PHF14: variants seen among roughly 807,000 people sequenced by gnomAD.
PHF14 encodes the protein PHD finger protein 14.
Under a neutral mutation model 117.9 loss-of-function variants are expected in PHF14, and 55 were observed. That is an observed-to-expected ratio of 0.47 (90% CI 0.38 to 0.58). The LOEUF (loss-of-function observed/expected upper bound fraction) is 0.58, where lower values mean the gene tolerates loss of function less well. Among genes scored for constraint, PHF14 ranks in the 20% least tolerant of loss-of-function variants. PHF14 has a pLI of 0.00. For synonymous variants in PHF14, 409 were observed against 368.6 expected, an observed-to-expected ratio of 1.11 and a Z score of -1.26; for missense variants, 978 against 1,122.2, an observed-to-expected ratio of 0.87 and a Z score of 1.84.
At chr7:11,143,170 A>G (rs1788445806) in intron 17 of PHF14, among the ~76,000 whole-genome samples, 1 of 152,218 alleles carries the variant, frequency 6.6e-6, no homozygotes. Flanking sequence ...ACTATGGTTT[A>G]TAGTACTAAA....
At chr7:11,089,442 G>C (rs1187556507) in intron 16 of PHF14, among the ~76,000 whole-genome samples, 1 of 152,134 alleles carries the variant, frequency 6.6e-6, no homozygotes, top group African/African-American at 2.4e-5. Flanking sequence ...TGTAATCCCA[G>C]CACCTAGGGA....
At chr7:11,152,341 G>C (rs1342740651) in intron 17 of PHF14, among the ~76,000 whole-genome samples, 1 of 152,116 alleles carries the variant, frequency 6.6e-6, no homozygotes, top group African/African-American at 2.4e-5. Flanking sequence ...GTGACCAAGG[G>C]CAGTTCCTGA....
At chr7:11,136,921 G>C (rs1788236245) in intron 17 of PHF14, among the ~76,000 whole-genome samples, 1 of 152,026 alleles carries the variant, frequency 6.6e-6, no homozygotes, top group Admixed American at 6.6e-5. Flanking sequence ...TAGAAAACTT[G>C]GAGAACAATT....
At chr7:11,058,545 T>C (rs936203234) in intron 14 of PHF14, among the ~76,000 whole-genome samples, 1 of 152,220 alleles carries the variant, frequency 6.6e-6, no homozygotes, top group South Asian at 2.1e-4. Context: ...GTGCTGTAAT[T>C]ACTTTGGTAA....
chr7:11,023,098 G>T, intron 6 of PHF14, 119 bp downstream of exon 6: 1 of 516,662 alleles, frequency 1.9e-6, no homozygotes, highest in Non-Finnish European at 3.5e-6. Flanking sequence ...ATTCTATTTA[G>T]CACTAAATCA....
At position 11,042,830 on chromosome 7, in the gene PHF14, GAGATTT is replaced by G; in HGVS notation, c.2312+21_2312+26del. 1 of 1,530,868 alleles carries G rather than the reference GAGATTT, an allele frequency of 6.5e-7. No homozygotes were observed. The highest frequency in any genetic ancestry group is 8.9e-7 in the Non-Finnish European group (1 of 1,124,640). 94.8% of individuals were successfully genotyped at this position (1,530,868 alleles called of 1,614,324 possible). ...ACAGTTATTGGTGAGTAAAATAGAG[GAGATTT>G]AGATGTTTGAATTGATTTACTCTTA... is the stretch of plus-strand genomic sequence containing the variant. On this transcript the variant is annotated intron_variant, in intron 13 of 17. Coordinates refer to ENST00000634607, the MANE Select transcript of PHF14 (RefSeq NM_001007157.2).
chr7:11,003,006 G>T (rs760492277), intron 4 of PHF14, among the ~76,000 whole-genome samples: 2 of 151,962 alleles, frequency 1.3e-5, no homozygotes, highest in Non-Finnish European at 2.9e-5. Context: ...GAGTGCAGTG[G>T]CATGATCTCC....
chr7:11,154,921 A>G (rs191271721), intron 17 of PHF14, among the ~76,000 whole-genome samples: 23 of 152,282 alleles, frequency 1.5e-4, no homozygotes, highest in Non-Finnish European at 8.8e-5. Flanking sequence ...AGAGTGACAT[A>G]GGTAGAATTG....
At chr7:11,117,215 A>G (rs994840379) in intron 17 of PHF14, among the ~76,000 whole-genome samples, 4 of 151,918 alleles carry the variant, frequency 2.6e-5, no homozygotes, top group Non-Finnish European at 4.4e-5. Context: ...ATCTTTGTTT[A>G]AAGCTATGTT....
Position 11,036,696 on chromosome 7 carries a change from T to C in PHF14, c.1873+8T>C. 1 of 1,608,010 alleles carries C rather than the reference T, an allele frequency of 6.2e-7. No homozygotes were observed. Among genetic ancestry groups the C allele is most frequent in the Non-Finnish European group, 8.5e-7 (1 of 1,175,380 alleles). On this transcript the variant is annotated splice_region_variant and intron_variant, in intron 9 of 17. Coordinates refer to ENST00000634607, the MANE Select transcript of PHF14 (RefSeq NM_001007157.2). The stretch of plus-strand genomic sequence containing the variant: ...TTGTGAATTATTATTTTGGTCAGTA[T>C]AGACACTGGTACATGCACATTTTCA...
intron 13 of PHF14, among the ~76,000 whole-genome samples, chr7:11,050,347 A>C (rs760424938): frequency 4.6e-5 from 7 of 152,208 alleles, no homozygotes; most frequent in Admixed American, 2.0e-4. Context: ...TTTTATTAAG[A>C]GAATACTATC....
intron 3 of PHF14, among the ~76,000 whole-genome samples, chr7:10,985,893 T>C (rs1782207582): frequency 6.6e-6 from 1 of 152,094 alleles, no homozygotes; most frequent in Non-Finnish European, 1.5e-5. Flanking sequence ...CCTCAAGTGA[T>C]CCACCTGCCT....
intron 16 of PHF14, among the ~76,000 whole-genome samples, chr7:11,087,188 C>T (rs1367585398): frequency 1.5e-5 from 2 of 133,168 alleles, no homozygotes; most frequent in Non-Finnish European, 3.1e-5. Context: ...GAAAGCACTG[C>T]CCTTCTTTCT....
intron 16 of PHF14, chr7:11,103,784 C>T (rs770464656): frequency 5.3e-5 from 52 of 984,642 alleles, no homozygotes; most frequent in Admixed American, 2.5e-4. Context: ...CAGTGAGGAA[C>T]GCTATGATTG....
At chr7:10,986,147 GA>G (rs1194193619) in intron 3 of PHF14, among the ~76,000 whole-genome samples, 3 of 147,854 alleles carry the variant, frequency 2.0e-5, no homozygotes, top group African/African-American at 2.5e-5. Context: ...TTTTATTTTT[GA>G]TTTTTTTTTT....
intron 17 of PHF14, among the ~76,000 whole-genome samples, chr7:11,162,722 A>G (rs1176196063): frequency 1.7e-5 from 2 of 120,912 alleles, no homozygotes; most frequent in African/African-American, 6.4e-5. Context: ...TTTTTTTGAT[A>G]TGGAGTTTCG....
intron 16 of PHF14, chr7:11,063,128 C>G: frequency 1.1e-6 from 1 of 949,794 alleles, no homozygotes; most frequent in Non-Finnish European, 1.3e-6. Context: ...GTTTTTTATG[C>G]TATCAATGAG....
At chr7:10,995,622 C>G (rs1782615604) in intron 4 of PHF14, among the ~76,000 whole-genome samples, 1 of 152,202 alleles carries the variant, frequency 6.6e-6, no homozygotes, top group African/African-American at 2.4e-5. Context: ...AAGGGAGGCT[C>G]AGGCCACGCA....
chr7:10,995,645 G>A (rs1387810303), intron 4 of PHF14, among the ~76,000 whole-genome samples: 7 of 152,188 alleles, frequency 4.6e-5, no homozygotes, highest in Non-Finnish European at 8.8e-5. Flanking sequence ...AGCCCATGGC[G>A]GGGTGGGTAA....
Sources: gnomAD v4.1 joint callset for allele counts (sites outside exome capture counted in the v4.1 genomes callset) on GRCh38, gnomAD v4.1.1 for gene constraint, MANE v1.5 for transcripts, NCBI Gene and HGNC (gene_info 2026-07-23, HGNC 2026-07-21) for gene names.